PTPRC: variants seen among roughly 807,000 people sequenced by gnomAD.
PTPRC encodes the protein protein tyrosine phosphatase receptor type C, also known as receptor-type tyrosine-protein phosphatase C.
Under a neutral mutation model 155.9 loss-of-function variants are expected in PTPRC, and 44 were observed. The observed-to-expected ratio is 0.28, with a 90% CI of 0.22 to 0.36. The LOEUF is 0.36. Among genes scored for constraint, PTPRC ranks in the 10% least tolerant of loss-of-function variants. PTPRC has a pLI of 1.00. For missense variants in PTPRC, 1,401 were observed against 1,564.6 expected, an observed-to-expected ratio of 0.90 and a Z score of 1.76; for synonymous variants, 525 against 533.1, an observed-to-expected ratio of 0.98 and a Z score of 0.21.
At chr1:198,687,867 TTTTTATTTTAAA>T (rs1665718551) in intron 2 of PTPRC, among the ~76,000 whole-genome samples, 1 of 152,178 alleles carries the variant, frequency 6.6e-6, no homozygotes, top group Non-Finnish European at 1.5e-5. Context: ...TAATTTAAAA[TTTTTATTTTAAA>T]TAGATTCTAT....
At chr1:198,659,882 T>A (rs749240271) in intron 2 of PTPRC, among the ~76,000 whole-genome samples, 30 of 151,860 alleles carry the variant, frequency 2.0e-4, no homozygotes, top group South Asian at 1.7e-3. Context: ...CTAGTTGTTT[T>A]AGTTTTCAAA....
chr1:198,754,979 C>T (rs1655561551), intron 32 of PTPRC, among the ~76,000 whole-genome samples: 1 of 152,124 alleles, frequency 6.6e-6, no homozygotes, highest in Non-Finnish European at 1.5e-5. Flanking sequence ...CCTCCTCATC[C>T]AGAAGACTAG....
intron 2 of PTPRC, among the ~76,000 whole-genome samples, chr1:198,691,388 C>T (rs765983335): frequency 3.3e-5 from 5 of 152,054 alleles, no homozygotes; most frequent in Non-Finnish European, 7.4e-5. Context: ...TTCCTTATTA[C>T]TCTTTCTCCT....
Position 198,752,708 on chromosome 1 carries a change from C to T in PTPRC, c.3445C>T (p.Pro1149Ser), listed in dbSNP as rs770621168. The T allele has an allele frequency of 2.5e-6, 4 of 1,612,936 alleles. No individual in the cohort carries two copies. Among genetic ancestry groups the T allele is most frequent in the Non-Finnish European group, 3.4e-6 (4 of 1,179,394 alleles). Residue 1149 changes from proline to serine, a missense_variant, in exon 31 of 33, where the codon CCC (proline) becomes TCC (serine). By Grantham distance (74) the Pro-to-Ser change is moderately conservative. Transcript: ENST00000442510. ...SMIQVVKQKLPQKNSSEGNKH... is the reference protein window; with the variant it reads ...SMIQVVKQKLSQKNSSEGNKH... Reference sequence around the variant, plus strand: ...GATTCAGGTCGTCAAACAAAAACTTCCCCAGAAGAATTCCTCTGAAGGGAA... The same window carrying T: ...GATTCAGGTCGTCAAACAAAAACTTTCCCAGAAGAATTCCTCTGAAGGGAA...
At chr1:198,702,938 G>A (rs1666535126) in intron 6 of PTPRC, among the ~76,000 whole-genome samples, 1 of 152,128 alleles carries the variant, frequency 6.6e-6, no homozygotes, top group Admixed American at 6.6e-5. Context: ...GTCTGAATAT[G>A]TAAAAATCTG....
rs1439999305 is a variant in PTPRC at position 198,756,237 on chromosome 1, T to C, written c.*56T>C. The C allele has an allele frequency of 6.2e-7, 1 of 1,600,694 alleles. No individual in the cohort carries two copies. Among genetic ancestry groups the C allele is most frequent in the Non-Finnish European group, 8.5e-7 (1 of 1,170,662 alleles). On this transcript the variant is annotated 3_prime_UTR_variant, in exon 33 of 33. Transcript: ENST00000442510. ...TCCTGTTAGCTGTTATTTCTATTTT[T>C]GTAGAAGTAGGAAGTGAAAATAGGT...
intron 3 of PTPRC, chr1:198,693,892 T>C: frequency 8.3e-7 from 1 of 1,201,518 alleles, no homozygotes; most frequent in Non-Finnish European, 1.1e-6. Context: ...ATGCTACTCA[T>C]CAAAATAGCG....
At position 198,639,061 on chromosome 1, in the gene PTPRC, A is replaced by G; in HGVS notation, c.-120A>G. On this transcript the variant is annotated 5_prime_UTR_variant, in exon 1 of 33. The change abolishes an upstream ATG in the 5' untranslated region. Coordinates refer to ENST00000442510, the MANE Select transcript of PTPRC (RefSeq NM_002838.5). ...ATCTGACATCATCACCTAGCAGTTC[A>G]TGCAGCTAGCAAGTGGTTTGTTCTT... 1.7e-6 allele frequency: 1 copy of G among 572,282 alleles called. No individual in the cohort carries two copies. Among genetic ancestry groups the G allele is most frequent in the East Asian group, 2.9e-5 (1 of 34,290 alleles). The allele number at this position is 572,282 out of a possible 1,614,324, so 35.5% of individuals were successfully genotyped here.
chr1:198,732,657 G>A (rs985749457), intron 20 of PTPRC, 101 bp downstream of exon 20: 4 of 915,472 alleles, frequency 4.4e-6, no homozygotes, highest in South Asian at 1.5e-5. Flanking sequence ...ATTTTGAAGT[G>A]AGCCCATATG....
intron 22 of PTPRC, among the ~76,000 whole-genome samples, 167 bp downstream of exon 22, chr1:198,734,592 A>G (rs770217111): frequency 2.6e-5 from 4 of 151,766 alleles, no homozygotes; most frequent in African/African-American, 4.8e-5. Flanking sequence ...TAGAAAACTA[A>G]AACTTTTAAC....
chr1:198,722,551 C>A, intron 15 of PTPRC, 75 bp downstream of exon 15: 1 of 822,562 alleles, frequency 1.2e-6, no homozygotes. Context: ...TTATTTTACA[C>A]TTATAATCAC....
chr1:198,680,655 G>A (rs1383655352), intron 2 of PTPRC, among the ~76,000 whole-genome samples: 2 of 151,858 alleles, frequency 1.3e-5, no homozygotes, highest in Admixed American at 1.3e-4. Context: ...ATGGGGAAGG[G>A]ATGGAGGAAG....
In PTPRC at chr1:198,716,715, T is replaced by C. The variant is rs1235335248; in HGVS notation, c.1325T>C (p.Ile442Thr). Residue 442 changes from isoleucine (I) to threonine (T), a missense_variant, in exon 13 of 33, where the codon ATC becomes ACC. Physicochemically the swap from Ile to Thr is moderately conservative, Grantham distance 89. This residue lies in a region of PTPRC where 867 missense variants were observed against 970.4 expected (regional missense o/e 0.89). Transcript: ENST00000442510. ...KDCLNLDKNL[I>T]KYDLQNLKPY... ...TGCCTCAATCTGGATAAAAACCTGA[T>C]CAAATATGATTTGCAAAATTTAAAA... The C allele has an allele frequency of 6.2e-7, 1 of 1,612,138 alleles. No individual in the cohort carries two copies. The highest frequency in any genetic ancestry group is 1.3e-5 in the African/African-American group (1 of 74,888).
chr1:198,692,038 G>A lies in PTPRC; in HGVS notation c.74-309G>A, dbSNP rs115997479. Among the ~76,000 whole-genome samples the A allele has an allele frequency of 3.8e-3, 573 of 152,078 alleles. 3 individuals are homozygous for A. The highest frequency in any genetic ancestry group is 0.013 in the African/African-American group (542 of 41,518). ...TAAATAATGCATTTGGGAAAAAAAA[G>A]TTTCAAAAGTTTTTCAAAAGTCTTT... On this transcript the variant is annotated intron_variant, in intron 2 of 32. Coordinates refer to ENST00000442510, the MANE Select transcript of PTPRC (RefSeq NM_002838.5).
chr1:198,695,133 A>T, intron 3 of PTPRC: 6 of 897,028 alleles, frequency 6.7e-6, no homozygotes, highest in Non-Finnish European at 8.0e-6. Context: ...AATTAACTTT[A>T]GCTTTGATAC....
intron 2 of PTPRC, among the ~76,000 whole-genome samples, chr1:198,664,681 C>T (rs77579968): frequency 0.018 from 2,738 of 152,246 alleles, 74 homozygotes; most frequent in African/African-American, 0.062. Context: ...CAGATGTCTA[C>T]TTCCTCTTCA....
intron 2 of PTPRC, among the ~76,000 whole-genome samples, chr1:198,669,914 T>G (rs1664547415): frequency 6.6e-6 from 1 of 152,194 alleles, no homozygotes; most frequent in Non-Finnish European, 1.5e-5. Flanking sequence ...AGGAAATGAA[T>G]TTATATCAGG....
At chr1:198,694,512 G>A in intron 3 of PTPRC, 1 of 997,244 alleles carries the variant, frequency 1.0e-6, no homozygotes, top group African/African-American at 1.7e-5. Context: ...CTTCTAGTCT[G>A]TTTGTAATTC....
At chr1:198,716,939 T>A in intron 13 of PTPRC, 99 bp downstream of exon 13, 1 of 1,131,326 alleles carries the variant, frequency 8.8e-7, no homozygotes, top group Non-Finnish European at 1.3e-6. Flanking sequence ...AGCAAGCACA[T>A]TTACCTGGCA....
Sources: allele counts gnomAD v4.1 joint callset (sites outside exome capture counted in the v4.1 genomes callset), GRCh38; gene constraint gnomAD v4.1.1; regional missense constraint gnomAD v4.1.1; transcripts MANE v1.5; gene names NCBI Gene and HGNC (gene_info 2026-07-23, HGNC 2026-07-21).